The following GALNT13 variants were observed in gnomAD, a reference collection of about 807,000 sequenced individuals.
GALNT13 encodes the protein polypeptide N-acetylgalactosaminyltransferase 13.
GALNT13 carries 28 observed loss-of-function variants against 64.2 expected under a neutral mutation model. The ratio of observed to expected loss-of-function variants is 0.44; its 90% CI spans 0.32 to 0.60. The LOEUF is 0.60. Among genes scored for constraint, GALNT13 ranks in the 20% least tolerant of loss-of-function variants. The probability of loss-of-function intolerance (pLI) is 0.05; values close to 1 mark genes in which losing one functional copy is unlikely to be tolerated. For synonymous variants in GALNT13, 214 were observed against 224.6 expected (o/e 0.95, Z 0.42); for missense variants, 577 against 669.8 (o/e 0.86, Z 1.53).
chr2:153,356,017 C>T, the GALNT13 span, among the ~76,000 whole-genome samples: 4 of 152,184 alleles, frequency 2.6e-5, no homozygotes, highest in South Asian at 2.1e-4. Context: ...GGGTCTTAGG[C>T]GTCTCTAAGT....
At chr2:153,693,948 A>G in the GALNT13 span, among the ~76,000 whole-genome samples, 2 of 152,044 alleles carry the variant, frequency 1.3e-5, no homozygotes. Context: ...TACTAAAATT[A>G]CAAAAAAAAA....
At chr2:153,332,585 A>G in the GALNT13 span, among the ~76,000 whole-genome samples, 5 of 150,456 alleles carry the variant, frequency 3.3e-5, no homozygotes, top group African/African-American at 7.3e-5. Context: ...GTGTGCAACA[A>G]TTGGGAATGC....
At chr2:153,632,208 A>G in the GALNT13 span, among the ~76,000 whole-genome samples, 2 of 152,146 alleles carry the variant, frequency 1.3e-5, no homozygotes, top group East Asian at 1.9e-4. Flanking sequence ...AAATTAATAG[A>G]CTTTTTGAAA....
chr2:153,795,120 A>G, the GALNT13 span, among the ~76,000 whole-genome samples: 5 of 152,164 alleles, frequency 3.3e-5, no homozygotes, highest in Admixed American at 6.5e-5. Flanking sequence ...ACTTTTCCTC[A>G]CCATGTTAGT....
At chr2:153,791,890 A>G in the GALNT13 span, among the ~76,000 whole-genome samples, 1 of 152,134 alleles carries the variant, frequency 6.6e-6, no homozygotes, top group African/African-American at 2.4e-5. Context: ...ACATGGACAT[A>G]AAGTGATACT....
chr2:153,705,715 T>C, the GALNT13 span, among the ~76,000 whole-genome samples: 1 of 152,168 alleles, frequency 6.6e-6, no homozygotes, highest in African/African-American at 2.4e-5. Context: ...CTGCTAACAT[T>C]GTATTGTCAA....
chr2:153,339,213 C>T, the GALNT13 span, among the ~76,000 whole-genome samples: 1 of 152,200 alleles, frequency 6.6e-6, no homozygotes, highest in Non-Finnish European at 1.5e-5. Flanking sequence ...TCCACAATGG[C>T]TGTGCTAATT....
chr2:153,283,987 G>T, the GALNT13 span, among the ~76,000 whole-genome samples: 4,325 of 152,198 alleles, frequency 0.028, 225 homozygotes, highest in African/African-American at 0.099. Flanking sequence ...AGGAAGGATG[G>T]GGTGGCTGCG....
chr2:153,091,651 A>G, the GALNT13 span, among the ~76,000 whole-genome samples: 1 of 152,214 alleles, frequency 6.6e-6, no homozygotes, highest in Non-Finnish European at 1.5e-5. Context: ...CCCATCTGCC[A>G]TCCTCCCAAA....
the GALNT13 span, among the ~76,000 whole-genome samples, chr2:153,171,565 CATTA>C: frequency 6.6e-6 from 1 of 152,082 alleles, no homozygotes; most frequent in Non-Finnish European, 1.5e-5. Flanking sequence ...TATTATACTT[CATTA>C]GAGAAGTTTA....
the GALNT13 span, among the ~76,000 whole-genome samples, chr2:153,566,055 T>C: frequency 0.28 from 42,140 of 152,068 alleles, 6,087 homozygotes; most frequent in South Asian, 0.34. Context: ...AATGTAATTT[T>C]AATGATAAGA....
At chr2:154,063,957 A>G (rs1232445911) in intron 3 of GALNT13, among the ~76,000 whole-genome samples, 8 of 152,180 alleles carry the variant, frequency 5.3e-5, no homozygotes, top group Non-Finnish European at 1.0e-4. Flanking sequence ...TATTAACTTC[A>G]TGCCATTGAA....
intron 7 of GALNT13, 88 bp from the exon 8 acceptor site, chr2:154,258,933 A>C (rs1023126186): frequency 1.0e-5 from 7 of 692,442 alleles, no homozygotes; most frequent in Non-Finnish European, 1.8e-5. Context: ...AATATTTAGA[A>C]TGTCTCAAAA....
chr2:154,132,102 C>T (rs1015081808), intron 3 of GALNT13, among the ~76,000 whole-genome samples: 1 of 152,148 alleles, frequency 6.6e-6, no homozygotes, highest in African/African-American at 2.4e-5. Flanking sequence ...GTCTGCCTTT[C>T]CCAGTCCACG....
At chr2:154,098,199 G>A (rs1702170136) in intron 3 of GALNT13, among the ~76,000 whole-genome samples, 2 of 142,464 alleles carry the variant, frequency 1.4e-5, no homozygotes, top group African/African-American at 6.0e-5. Flanking sequence ...ATTACCATAT[G>A]ATGATGTTAC....
At chr2:154,285,915 C>T (rs546670041) in intron 8 of GALNT13, among the ~76,000 whole-genome samples, 3 of 152,216 alleles carry the variant, frequency 2.0e-5, no homozygotes, top group Admixed American at 6.5e-5. Context: ...CATCTTTCAC[C>T]TCCTTGGCTA....
At chr2:154,384,849 C>A (rs1014854498) in intron 9 of GALNT13, among the ~76,000 whole-genome samples, 6 of 151,894 alleles carry the variant, frequency 4.0e-5, no homozygotes, top group African/African-American at 1.4e-4. Context: ...AAATTTTTAT[C>A]TTGGTACTTT....
chr2:154,441,086 T>C (rs1217584243), intron 12 of GALNT13, among the ~76,000 whole-genome samples: 1 of 152,102 alleles, frequency 6.6e-6, no homozygotes, highest in African/African-American at 2.4e-5. Context: ...AGTTTGTATT[T>C]TAACAAAATC....
In GALNT13 at chr2:154,427,636, T is replaced by C. The variant is rs1033262772; in HGVS notation, c.1396-10956T>C. Among the ~76,000 whole-genome samples, 4 of 152,334 alleles carry C rather than the reference T, an allele frequency of 2.6e-5. No individual in the cohort carries two copies. The East Asian group carries it at 7.7e-4, about 29-fold the overall frequency. On this transcript the variant is annotated intron_variant, in intron 11 of 12. Coordinates refer to ENST00000392825, the MANE Select transcript of GALNT13 (RefSeq NM_052917.4). The stretch of plus-strand genomic sequence containing the variant: ...CAGGATGAGAATACTGAACATAAGA[T>C]GCATACCCACATCCTGTTTTTAGTT...
Sources: gnomAD v4.1 joint callset for allele counts (sites outside exome capture counted in the v4.1 genomes callset) on GRCh38, gnomAD v4.1.1 for gene constraint, MANE v1.5 for transcripts, NCBI Gene and HGNC (gene_info 2026-07-23, HGNC 2026-07-21) for gene names.